Variants in SPATA31H1 observed in about 807,000 individuals in gnomAD.
The protein encoded by SPATA31H1 is spermatogenesis-associated protein 31H1.
the SPATA31H1 span, chr2:27,567,484 C>T: frequency 2.4e-6 from 1 of 416,056 alleles, no homozygotes; most frequent in African/African-American, 2.0e-5. Context: ...GACCTTCCAT[C>T]ATTTCAGCTC....
At chr2:27,572,203 T>C in the SPATA31H1 span, 34 of 398,490 alleles carry the variant, frequency 8.5e-5, no homozygotes, top group African/African-American at 6.6e-4. Flanking sequence ...TTGCAAAGTA[T>C]GAAATCTCCC....
At chr2:27,555,345 G>A in the SPATA31H1 span, among the ~76,000 whole-genome samples, 1 of 151,904 alleles carries the variant, frequency 6.6e-6, no homozygotes, top group East Asian at 1.9e-4. Context: ...TCTCTATTTT[G>A]CCTTAAATTT....
chr2:27,575,416 T>A, the SPATA31H1 span: 1,525 of 398,542 alleles, frequency 3.8e-3, 3 homozygotes, highest in Non-Finnish European at 5.6e-3. This position sits in a 1 kb window ranked among gnomAD's most constrained non-coding sequence, Gnocchi z 4.1. Flanking sequence ...CTTCAAGATG[T>A]AAAATCTATG....
chr2:27,567,659 T>C, the SPATA31H1 span: 1 of 400,880 alleles, frequency 2.5e-6, no homozygotes, highest in East Asian at 3.6e-5. Context: ...GTTTAGAACT[T>C]AATGTAATTC....
chr2:27,575,915 G>T, the SPATA31H1 span: 1 of 398,424 alleles, frequency 2.5e-6, no homozygotes, highest in Non-Finnish European at 4.4e-6. The surrounding 1 kb of genome is among the most constrained non-coding windows in gnomAD (Gnocchi z 4.1). Context: ...TTCAAGGTAT[G>T]AAGTGTTCTG....
the SPATA31H1 span, chr2:27,582,152 C>T: frequency 3.7e-6 from 6 of 1,613,564 alleles, no homozygotes; most frequent in Non-Finnish European, 5.1e-6. Flanking sequence ...TGGAAAGAAG[C>T]CGTTGCAGTC....
the SPATA31H1 span, among the ~76,000 whole-genome samples, chr2:27,556,051 G>C: frequency 1.3e-5 from 2 of 148,876 alleles, no homozygotes; most frequent in African/African-American, 5.0e-5. Context: ...AGAAGTGCTT[G>C]AATTGGGGAG....
At chr2:27,581,427 G>A in the SPATA31H1 span, 25 of 1,613,834 alleles carry the variant, frequency 1.5e-5, no homozygotes, top group East Asian at 2.2e-5. Context: ...CAGTCCCCCC[G>A]AGAGGAGCTG....
At chr2:27,539,398 A>G in the SPATA31H1 span, among the ~76,000 whole-genome samples, 1 of 125,710 alleles carries the variant, frequency 8.0e-6, no homozygotes, top group African/African-American at 3.3e-5. Context: ...CCCTGAGTGG[A>G]CACAGCACAT....
chr2:27,546,657 C>A, the SPATA31H1 span, among the ~76,000 whole-genome samples: 2 of 151,914 alleles, frequency 1.3e-5, no homozygotes, highest in Admixed American at 1.3e-4. Flanking sequence ...CTCAACCTCC[C>A]AAGTAGCTGG....
At chr2:27,549,288 C>T in the SPATA31H1 span, among the ~76,000 whole-genome samples, 1 of 151,592 alleles carries the variant, frequency 6.6e-6, no homozygotes, top group African/African-American at 2.4e-5. Context: ...CATCAAGAGG[C>T]ACATAATGTC....
chr2:27,548,775 T>C, the SPATA31H1 span, among the ~76,000 whole-genome samples: 3 of 151,770 alleles, frequency 2.0e-5, no homozygotes, highest in African/African-American at 7.3e-5. Flanking sequence ...CATTTATTTA[T>C]GTGTTGAAGA....
At chr2:27,581,063 C>G in the SPATA31H1 span, 1 of 1,614,114 alleles carries the variant, frequency 6.2e-7, no homozygotes, top group Non-Finnish European at 8.5e-7. Flanking sequence ...AAACCTCCAG[C>G]CAGGAGTCTA....
At chr2:27,578,358 C>T in the SPATA31H1 span, 1 of 1,613,990 alleles carries the variant, frequency 6.2e-7, no homozygotes, top group African/African-American at 1.3e-5. Flanking sequence ...AATCCCAGGG[C>T]CATCCCTTCA....
chr2:27,566,364 C>T, the SPATA31H1 span: 2 of 717,210 alleles, frequency 2.8e-6, no homozygotes, highest in Admixed American at 4.0e-5. Flanking sequence ...AACAGATCTT[C>T]CGATACCTAG....
the SPATA31H1 span, chr2:27,580,704 G>A: frequency 5.0e-6 from 8 of 1,614,088 alleles, no homozygotes; most frequent in Admixed American, 3.3e-5. Flanking sequence ...GCCTGTGGAC[G>A]GGACAAGGCC....
the SPATA31H1 span, chr2:27,566,402 C>CT: frequency 2.8e-6 from 2 of 716,488 alleles, no homozygotes; most frequent in Middle Eastern, 2.3e-4. Context: ...AATGTAGTTT[C>CT]TGGGTGGGGA....
At chr2:27,556,574 C>G in the SPATA31H1 span, among the ~76,000 whole-genome samples, 1 of 150,018 alleles carries the variant, frequency 6.7e-6, no homozygotes. Context: ...TTACTGAGTT[C>G]TTTATTTCTC....
chr2:27,568,058 G>A, the SPATA31H1 span: 1 of 398,888 alleles, frequency 2.5e-6, no homozygotes, highest in South Asian at 1.3e-4. Flanking sequence ...CAGAGAGGGT[G>A]GCCACAAGAT....
Sources: gnomAD v4.1 joint callset for allele counts (sites outside exome capture counted in the v4.1 genomes callset) on GRCh38, gnomAD v4.1.1 for gene constraint, Gnocchi (gnomAD v3.1) non-coding constraint, MANE v1.5 for transcripts, NCBI Gene and HGNC (gene_info 2026-07-23, HGNC 2026-07-21) for gene names.